The following SLIT3 variants were observed in gnomAD, a reference collection of about 807,000 sequenced individuals.
The protein encoded by SLIT3 is slit guidance ligand 3.
In SLIT3, 68 loss-of-function variants were observed where a neutral mutation model predicts 184.0. The ratio of observed to expected loss-of-function variants is 0.37; its 90% CI spans 0.30 to 0.45. The LOEUF (loss-of-function observed/expected upper bound fraction) is 0.45, where lower values mean the gene tolerates loss of function less well. Among genes scored for constraint, SLIT3 ranks in the 20% least tolerant of loss-of-function variants. The pLI is 1.00. For synonymous variants in SLIT3, 831 were observed against 828.6 expected, an observed-to-expected ratio of 1.00 and a Z score of -0.05; for missense variants, 1,707 against 2,026.0, an observed-to-expected ratio of 0.84 and a Z score of 3.02.
chr5:169,092,112 A>G (rs1443672230), intron 4 of SLIT3, among the ~76,000 whole-genome samples: 1 of 152,186 alleles, frequency 6.6e-6, no homozygotes, highest in Non-Finnish European at 1.5e-5. Context: ...AATCCCACCT[A>G]CTTCGGAGGC....
chr5:169,048,678 C>T (rs994211377), intron 4 of SLIT3, among the ~76,000 whole-genome samples: 2 of 152,162 alleles, frequency 1.3e-5, no homozygotes, highest in Non-Finnish European at 2.9e-5. Context: ...AGTCCCAGTA[C>T]AGTAATACAC....
intron 1 of SLIT3, among the ~76,000 whole-genome samples, chr5:169,293,670 G>A (rs1253173280): frequency 2.6e-5 from 4 of 152,178 alleles, no homozygotes; most frequent in East Asian, 1.9e-4. Flanking sequence ...TGACAGAACC[G>A]GGCTTTGGGC....
chr5:169,217,961 C>A (rs1479020400), intron 3 of SLIT3, among the ~76,000 whole-genome samples: 1 of 152,172 alleles, frequency 6.6e-6, no homozygotes, highest in Non-Finnish European at 1.5e-5. Flanking sequence ...GAAAGCAAGA[C>A]CTTTCACAGA....
chr5:169,233,112 G>A (rs910537655), intron 3 of SLIT3, among the ~76,000 whole-genome samples: 12 of 152,058 alleles, frequency 7.9e-5, no homozygotes, highest in Admixed American at 3.9e-4. Context: ...TGCAACTTCC[G>A]CCTCCTGGGT....
intron 4 of SLIT3, among the ~76,000 whole-genome samples, chr5:168,907,979 T>TATATATAGAGAGAGAGAGAGAG (rs376418381): frequency 2.0e-5 from 1 of 50,088 alleles, no homozygotes; most frequent in Non-Finnish European, 3.3e-5. Flanking sequence ...TATATATATA[T>TATATATAGAGAGAGAGAGAGAG]AGAGAGAGAG....
intron 3 of SLIT3, among the ~76,000 whole-genome samples, chr5:169,204,167 T>G (rs1343223436): frequency 6.6e-6 from 1 of 151,332 alleles, no homozygotes; most frequent in East Asian, 2.0e-4. Context: ...GAAGGCCAAG[T>G]GAAGGGAGAG....
intron 4 of SLIT3, among the ~76,000 whole-genome samples, chr5:169,089,392 C>T (rs886440532): frequency 2.6e-5 from 4 of 152,186 alleles, no homozygotes; most frequent in East Asian, 1.9e-4. Context: ...AAAAGAAAAC[C>T]GGCTGCTCAA....
At chr5:169,125,702 C>T (rs1761053573) in intron 4 of SLIT3, among the ~76,000 whole-genome samples, 1 of 152,154 alleles carries the variant, frequency 6.6e-6, no homozygotes, top group Non-Finnish European at 1.5e-5. Context: ...GCATCCCCTC[C>T]TACCACATTT....
At chr5:168,795,622 C>T in intron 9 of SLIT3, 44 bp from the exon 10 acceptor site, 7 of 1,481,406 alleles carry the variant, frequency 4.7e-6, no homozygotes, top group Non-Finnish European at 6.6e-6. Context: ...ATCCACCTGT[C>T]AACAAGTGGT....
intron 4 of SLIT3, chr5:169,013,486 C>G (rs974908395): frequency 1.2e-4 from 19 of 152,212 alleles, no homozygotes; most frequent in African/African-American, 4.3e-4. Flanking sequence ...GTAATTAAAA[C>G]TGAAACCCGA....
chr5:169,070,634 C>T (rs952082553), intron 4 of SLIT3, among the ~76,000 whole-genome samples: 1 of 151,930 alleles, frequency 6.6e-6, no homozygotes, highest in East Asian at 1.9e-4. Context: ...CTGGGAGGAC[C>T]AAGTGTTCGG....
intron 5 of SLIT3, among the ~76,000 whole-genome samples, chr5:168,868,214 A>G (rs969227256): frequency 6.6e-6 from 1 of 152,206 alleles, no homozygotes; most frequent in Admixed American, 6.5e-5. Flanking sequence ...GAGGGTGCAG[A>G]ATACTAACAT....
At chr5:168,907,365 G>A (rs1010230202) in intron 4 of SLIT3, among the ~76,000 whole-genome samples, 5 of 152,112 alleles carry the variant, frequency 3.3e-5, no homozygotes, top group Non-Finnish European at 5.9e-5. Flanking sequence ...CCTCTTCCAC[G>A]TTGCTGGTTG....
intron 3 of SLIT3, among the ~76,000 whole-genome samples, chr5:169,223,516 G>A (rs1016527547): frequency 6.6e-6 from 1 of 152,196 alleles, no homozygotes; most frequent in Admixed American, 6.5e-5. Flanking sequence ...GTGCAAATCA[G>A]GACTCCTACC....
At chr5:169,051,501 C>T (rs1235741363) in intron 4 of SLIT3, among the ~76,000 whole-genome samples, 1 of 152,128 alleles carries the variant, frequency 6.6e-6, no homozygotes, top group Non-Finnish European at 1.5e-5. Flanking sequence ...CAATAGACAG[C>T]TGTTCAGGGG....
At chr5:169,025,886 C>A (rs1031319631) in intron 4 of SLIT3, among the ~76,000 whole-genome samples, 1 of 152,200 alleles carries the variant, frequency 6.6e-6, no homozygotes, top group Non-Finnish European at 1.5e-5. Flanking sequence ...AGCCTGAACT[C>A]TCCCCTAGTT....
chr5:169,052,953 AC>A (rs1757867296), intron 4 of SLIT3, among the ~76,000 whole-genome samples: 1 of 152,032 alleles, frequency 6.6e-6, no homozygotes, highest in Non-Finnish European at 1.5e-5. Flanking sequence ...GCTGAAAGGC[AC>A]CGATGCCCAA....
chr5:169,003,477 C>T (rs1755794690), intron 4 of SLIT3, among the ~76,000 whole-genome samples: 1 of 152,182 alleles, frequency 6.6e-6, no homozygotes, highest in African/African-American at 2.4e-5. Flanking sequence ...GAGGCTCCTA[C>T]CAGAAAATTG....
chr5:168,781,376 A>C (rs871098), intron 12 of SLIT3, among the ~76,000 whole-genome samples: 43,922 of 152,072 alleles, frequency 0.29, 7,053 homozygotes, highest in African/African-American at 0.44. Context: ...GTTACCAATC[A>C]GTCCTTTAAG....
Sources: allele counts gnomAD v4.1 joint callset (sites outside exome capture counted in the v4.1 genomes callset), GRCh38; gene constraint gnomAD v4.1.1; transcripts MANE v1.5; gene names NCBI Gene and HGNC (gene_info 2026-07-23, HGNC 2026-07-21).